The following PI15 variants were observed in gnomAD, a reference collection of about 807,000 sequenced individuals.
PI15 encodes the protein 25 kDa trypsin inhibitor.
Under a neutral mutation model 31.0 loss-of-function variants are expected in PI15, and 18 were observed. The observed-to-expected ratio is 0.58, with a 90% CI of 0.40 to 0.86. PI15 has a LOEUF of 0.86. Ranked by LOEUF, PI15 falls within the 40% of genes least tolerant of loss-of-function variation. PI15 has a pLI of 0.00. For synonymous variants in PI15, 118 were observed against 119.1 expected (o/e 0.99, Z 0.06); for missense variants, 282 against 328.1 (o/e 0.86, Z 1.09).
At chr8:74,829,529 T>C (rs573376528) in intron 2 of PI15, among the ~76,000 whole-genome samples, 2 of 152,262 alleles carry the variant, frequency 1.3e-5, no homozygotes, top group East Asian at 1.9e-4. Context: ...GTAAAATTTG[T>C]AGGATGTTCT....
intron 2 of PI15, among the ~76,000 whole-genome samples, chr8:74,840,633 A>G (rs1218700590): frequency 6.6e-6 from 1 of 152,172 alleles, no homozygotes; most frequent in Non-Finnish European, 1.5e-5. Flanking sequence ...GAGTAGATGC[A>G]AGTTCTGCCT....
chr8:74,843,050 T>C (rs544956248), intron 2 of PI15, among the ~76,000 whole-genome samples: 2 of 152,296 alleles, frequency 1.3e-5, no homozygotes, highest in South Asian at 4.1e-4. Context: ...CATAATAGAG[T>C]ATGACCTTAT....
chr8:74,847,445 C>CA (rs34112666), intron 5 of PI15, among the ~76,000 whole-genome samples: 5,132 of 128,554 alleles, frequency 0.04, 108 homozygotes, highest in East Asian at 0.076. Flanking sequence ...AACTCTGTCT[C>CA]AAAAAAAAAA....
intron 3 of PI15, 136 bp from the exon 4 acceptor site, chr8:74,844,992 G>GT: frequency 1.4e-6 from 1 of 722,544 alleles, no homozygotes; most frequent in Non-Finnish European, 2.4e-6. Flanking sequence ...GGTGGTGATG[G>GT]TGATTGTGAG....
At chr8:74,836,966 G>C (rs921709821) in intron 2 of PI15, among the ~76,000 whole-genome samples, 2 of 152,050 alleles carry the variant, frequency 1.3e-5, no homozygotes, top group African/African-American at 4.8e-5. Context: ...ATAGGAAAAG[G>C]GTTCAAGAGA....
intron 2 of PI15, among the ~76,000 whole-genome samples, chr8:74,828,368 G>A (rs190393395): frequency 6.6e-6 from 1 of 152,188 alleles, no homozygotes; most frequent in Admixed American, 6.6e-5. Flanking sequence ...GCTCAATTGA[G>A]TGAAATCATA....
At position 74,851,806 on chromosome 8, in the gene PI15, T is replaced by C. The variant is rs1811112207; in HGVS notation, c.*2553T>C. 6.6e-6 allele frequency: 1 copy of C among 152,056 alleles called. No individual in the cohort carries two copies. Among genetic ancestry groups the C allele is most frequent in the South Asian group, 2.1e-4 (1 of 4,828 alleles). The allele number at this position is 152,056 out of a possible 1,614,324, so 9.4% of individuals were successfully genotyped here. A position where few individuals can be genotyped will look rare whatever the true frequency, so the allele number is the denominator to read the frequency against. On this transcript the variant is annotated 3_prime_UTR_variant, in exon 6 of 6. Transcript: ENST00000260113. Reference sequence around the variant, plus strand: ...AAAAATCCAGATAAATCATCAAATATATCAGATTAAGACCAGGGTTTACAC... The same window carrying C: ...AAAAATCCAGATAAATCATCAAATACATCAGATTAAGACCAGGGTTTACAC...
At chr8:74,837,627 C>G (rs1179873715) in intron 2 of PI15, among the ~76,000 whole-genome samples, 1 of 151,960 alleles carries the variant, frequency 6.6e-6, no homozygotes, top group Admixed American at 6.6e-5. Context: ...TAGGTTAGCA[C>G]TCTTTTCTCA....
In PI15 at chr8:74,850,677, T is replaced by A. The variant is rs1001721352; in HGVS notation, c.*1424T>A. ...TCTGTGTTTCTGTAGAAGAAACATT[T>A]TCAGTTCTTCATTGAGTTTGATTAT... On this transcript the variant is annotated 3_prime_UTR_variant, in exon 6 of 6. Transcript: ENST00000260113. The A allele has an allele frequency of 1.3e-5, 2 of 152,186 alleles. No homozygotes were observed. Among genetic ancestry groups the A allele is most frequent in the African/African-American group, 4.8e-5 (2 of 41,458 alleles). The allele number at this position is 152,186 out of a possible 1,614,324, so 9.4% of individuals were successfully genotyped here. A position where few individuals can be genotyped will look rare whatever the true frequency, so the allele number is the denominator to read the frequency against.
intron 2 of PI15, among the ~76,000 whole-genome samples, chr8:74,837,028 G>T (rs1234339858): frequency 6.6e-6 from 1 of 152,066 alleles, no homozygotes; most frequent in African/African-American, 2.4e-5. Context: ...TGCTGGCAAT[G>T]ATTCAGTTCA....
intron 2 of PI15, among the ~76,000 whole-genome samples, chr8:74,833,611 A>T (rs1810819163): frequency 6.6e-6 from 1 of 152,084 alleles, no homozygotes; most frequent in South Asian, 2.1e-4. Context: ...TCCAACAATA[A>T]TAATAGCCAC....
At chr8:74,838,293 T>C (rs1159051558) in intron 2 of PI15, among the ~76,000 whole-genome samples, 1 of 152,100 alleles carries the variant, frequency 6.6e-6, no homozygotes, top group Non-Finnish European at 1.5e-5. Flanking sequence ...ATATTTTAAA[T>C]TGAAAATGTA....
Position 74,825,195 on chromosome 8 carries a change from C to T in PI15, c.-40-15C>T, listed in dbSNP as rs879025998. On this transcript the variant is annotated splice_polypyrimidine_tract_variant and intron_variant, in intron 1 of 5. Coordinates refer to ENST00000260113, the MANE Select transcript of PI15 (RefSeq NM_015886.5). ...TTTTTTTCATAGACCCTAACTCTAC[C>T]TTTCTGCTTTAAAGCAAAGTAAACT... The T allele has an allele frequency of 1.9e-6, 3 of 1,550,162 alleles. No homozygotes were observed. The highest frequency in any genetic ancestry group is 2.7e-6 in the Non-Finnish European group (3 of 1,126,862).
At chr8:74,848,702 AC>A (rs1366318807) in intron 5 of PI15, among the ~76,000 whole-genome samples, 27 of 146,082 alleles carry the variant, frequency 1.8e-4, no homozygotes, top group African/African-American at 6.6e-4. Flanking sequence ...AAATATATAT[AC>A]AATATATATA....
intron 1 of PI15, 179 bp from the exon 2 acceptor site, chr8:74,825,031 A>G (rs188699305): frequency 1.1e-4 from 67 of 612,858 alleles, no homozygotes; most frequent in East Asian, 8.1e-4. Flanking sequence ...CTGCCTCATG[A>G]CACTAAAAAA....
chr8:74,844,477 A>G (rs1586957935), intron 3 of PI15, among the ~76,000 whole-genome samples: 1 of 149,082 alleles, frequency 6.7e-6, no homozygotes. Flanking sequence ...GTGTATGCAT[A>G]TGAGTGCAAC....
At chr8:74,825,996 C>A in intron 2 of PI15, among the ~76,000 whole-genome samples, 1 of 151,878 alleles carries the variant, frequency 6.6e-6, no homozygotes, top group African/African-American at 2.4e-5. Context: ...TGTCTTTTCC[C>A]TTTTTTGGAC....
At chr8:74,837,258 T>C (rs1432939318) in intron 2 of PI15, among the ~76,000 whole-genome samples, 1 of 152,138 alleles carries the variant, frequency 6.6e-6, no homozygotes. Flanking sequence ...CAAGTTTCTT[T>C]AATCCTCTCC....
chr8:74,834,850 GA>G (rs1451936916), intron 2 of PI15, among the ~76,000 whole-genome samples: 1 of 151,944 alleles, frequency 6.6e-6, no homozygotes, highest in Non-Finnish European at 1.5e-5. Flanking sequence ...TAACTTGGCA[GA>G]GTCAGTGGGC....
Sources: allele counts gnomAD v4.1 joint callset (sites outside exome capture counted in the v4.1 genomes callset), GRCh38; gene constraint gnomAD v4.1.1; transcripts MANE v1.5; gene names NCBI Gene and HGNC (gene_info 2026-07-23, HGNC 2026-07-21).